ATXN7: variants seen among roughly 807,000 people sequenced by gnomAD.
The protein encoded by ATXN7 is ataxin-7.
Under a neutral mutation model 70.5 loss-of-function variants are expected in ATXN7, and 12 were observed. The observed-to-expected ratio is 0.17, with a 90% CI of 0.11 to 0.28. The LOEUF (loss-of-function observed/expected upper bound fraction) is 0.28. Ranked by LOEUF, ATXN7 falls within the 10% of genes least tolerant of loss-of-function variation. The pLI, the probability that ATXN7 is intolerant of heterozygous loss-of-function variation, is 1.00. For missense variants in ATXN7, 1,256 were observed against 1,131.7 expected (o/e 1.11, Z -1.58); for synonymous variants, 498 against 448.7 (o/e 1.11, Z -1.39).
intron 4 of ATXN7, among the ~76,000 whole-genome samples, chr3:63,936,275 C>A (rs567091453): frequency 2.6e-5 from 4 of 152,142 alleles, no homozygotes; most frequent in African/African-American, 9.6e-5. Context: ...TACAATAAGG[C>A]CTCTAAATGC....
intron 4 of ATXN7, among the ~76,000 whole-genome samples, chr3:63,923,950 T>TA (rs1214461026): frequency 6.6e-6 from 1 of 152,024 alleles, no homozygotes; most frequent in Non-Finnish European, 1.5e-5. Flanking sequence ...GTTGGGGGGA[T>TA]AGTTGGTGGT....
chr3:63,958,650 TAAAG>T (rs1012801336), intron 5 of ATXN7, among the ~76,000 whole-genome samples: 12 of 151,920 alleles, frequency 7.9e-5, no homozygotes, highest in African/African-American at 1.2e-4. Flanking sequence ...CTGTTTTTGA[TAAAG>T]AAAGAAAATG....
In ATXN7 at chr3:63,996,248, A is replaced by G. The variant is rs751267867; in HGVS notation, c.2426A>G (p.His809Arg). 4.3e-6 allele frequency: 7 copies of G among 1,613,996 alleles called. No homozygotes were observed. The highest frequency in any genetic ancestry group is 5.9e-6 in the Non-Finnish European group (7 of 1,180,020). Residue 809 changes from histidine to arginine, a missense_variant, in exon 12 of 13, where the codon CAC (histidine) becomes CGC (arginine). His to Arg is a conservative substitution (Grantham distance 29, BLOSUM62 0). Transcript: ENST00000674280. The part of the protein sequence containing the change: ...DSTLSLGPFI[H>R]QSNELPVNSH... ...ACTCTTTCTCTTGGGCCATTCATTC[A>G]CCAGTCCAATGAACTGCCTGTCAAC...
At chr3:63,912,534 C>T in intron 2 of ATXN7, 54 bp from the exon 3 acceptor site, 1 of 1,077,464 alleles carries the variant, frequency 9.3e-7, no homozygotes, top group Non-Finnish European at 1.1e-6. Context: ...CTGGCGCCTC[C>T]TTAAAAAACG....
intron 5 of ATXN7, among the ~76,000 whole-genome samples, chr3:63,972,895 AT>A (rs1423193019): frequency 6.6e-6 from 1 of 152,160 alleles, no homozygotes; most frequent in African/African-American, 2.4e-5. Flanking sequence ...AGGAGGTGTT[AT>A]TTGTGAGTAC....
intron 5 of ATXN7, among the ~76,000 whole-genome samples, chr3:63,961,175 T>C (rs2075123188): frequency 6.6e-6 from 1 of 152,176 alleles, no homozygotes; most frequent in African/African-American, 2.4e-5. Flanking sequence ...TATTTACCAA[T>C]GTATTTTTTC....
At chr3:63,992,735 T>C (rs1455931085) in intron 11 of ATXN7, among the ~76,000 whole-genome samples, 1 of 152,190 alleles carries the variant, frequency 6.6e-6, no homozygotes, top group Non-Finnish European at 1.5e-5. Context: ...AAACCAACCC[T>C]TTCCATTAGC....
intron 4 of ATXN7, among the ~76,000 whole-genome samples, chr3:63,927,494 AC>A (rs1704764317): frequency 6.6e-6 from 1 of 152,246 alleles, no homozygotes; most frequent in African/African-American, 2.4e-5. Context: ...GATAACATTC[AC>A]GGCATAACAC....
Position 63,899,654 on chromosome 3 carries a change from C to T in ATXN7, c.-12+1157C>T, listed in dbSNP as rs553056887. On this transcript the variant is annotated intron_variant, in intron 2 of 12. Coordinates refer to ENST00000674280, the MANE Select transcript of ATXN7 (RefSeq NM_001377405.1). ...TTTGAGACCTTTTCTTGCTCTGTCG[C>T]CCAGGCTGGAGTGCAGTGGCGCCAT... 5.3e-5 allele frequency among the ~76,000 whole-genome samples: 8 copies of T among 152,066 alleles called. No homozygotes were observed. The East Asian group carries it at 5.8e-4, about 11-fold the overall frequency.
At chr3:63,998,557 T>C in intron 12 of ATXN7, 2 of 985,380 alleles carry the variant, frequency 2.0e-6, no homozygotes, top group Non-Finnish European at 2.4e-6. Flanking sequence ...TTAAAATCAG[T>C]TAAAATCAGT....
intron 11 of ATXN7, among the ~76,000 whole-genome samples, chr3:63,991,253 C>A (rs2106789613): frequency 6.6e-6 from 1 of 151,922 alleles, no homozygotes. Flanking sequence ...TTAACATTCA[C>A]AATTCTCTGT....
At chr3:63,896,488 G>T (rs974446123) in intron 1 of ATXN7, among the ~76,000 whole-genome samples, 5 of 152,076 alleles carry the variant, frequency 3.3e-5, no homozygotes, top group African/African-American at 1.2e-4. Context: ...ATCACCAAAG[G>T]CCCGGATTCT....
At chr3:63,907,102 T>C (rs1703862989) in intron 2 of ATXN7, among the ~76,000 whole-genome samples, 1 of 152,194 alleles carries the variant, frequency 6.6e-6, no homozygotes, top group Non-Finnish European at 1.5e-5. Flanking sequence ...CAGTGTGCTT[T>C]TTTGCACTGT....
chr3:63,873,245 C>T (rs1702648942), intron 1 of ATXN7, among the ~76,000 whole-genome samples: 1 of 152,144 alleles, frequency 6.6e-6, no homozygotes, highest in South Asian at 2.1e-4. Flanking sequence ...TGGTTGTAAG[C>T]AGTAAGAACT....
intron 12 of ATXN7, among the ~76,000 whole-genome samples, chr3:63,997,144 G>C: frequency 6.6e-6 from 1 of 152,148 alleles, no homozygotes; most frequent in African/African-American, 2.4e-5. Context: ...TGTAATCCCA[G>C]CTACTCAGGA....
intron 4 of ATXN7, among the ~76,000 whole-genome samples, chr3:63,929,558 A>G (rs1174991642): frequency 6.6e-6 from 1 of 152,164 alleles, no homozygotes; most frequent in African/African-American, 2.4e-5. Flanking sequence ...GGCGTGAGCC[A>G]CTGCGCCCGG....
chr3:63,915,761 A>C (rs1438033836), intron 4 of ATXN7, among the ~76,000 whole-genome samples: 6 of 151,082 alleles, frequency 4.0e-5, no homozygotes, highest in Non-Finnish European at 8.8e-5. Context: ...GGCTCACTGC[A>C]ACCTCTGCTT....
At chr3:63,897,509 A>G (rs1031428033) in intron 1 of ATXN7, among the ~76,000 whole-genome samples, 2 of 152,216 alleles carry the variant, frequency 1.3e-5, no homozygotes, top group African/African-American at 4.8e-5. Context: ...CTCAGGCCAT[A>G]GGAATATTTG....
chr3:63,887,659 C>T (rs186494323), intron 1 of ATXN7, among the ~76,000 whole-genome samples: 2 of 152,236 alleles, frequency 1.3e-5, no homozygotes, highest in Admixed American at 6.5e-5. Context: ...TATCTCAGCT[C>T]ACTGCAGCCT....
Sources: gnomAD v4.1 joint callset for allele counts (sites outside exome capture counted in the v4.1 genomes callset) on GRCh38, gnomAD v4.1.1 for gene constraint, MANE v1.5 for transcripts, NCBI Gene and HGNC (gene_info 2026-07-23, HGNC 2026-07-21) for gene names.